PIGQ: variants seen among roughly 807,000 people sequenced by gnomAD.
The protein encoded by PIGQ is phosphatidylinositol N-acetylglucosaminyltransferase subunit Q.
A neutral mutation model predicts 60.3 loss-of-function variants in PIGQ; 54 were observed. The observed-to-expected ratio is 0.90, with a 90% CI of 0.72 to 1.12. The LOEUF (loss-of-function observed/expected upper bound fraction) is 1.12, where lower values mean the gene tolerates loss of function less well. Ranked by LOEUF, PIGQ falls within the 50% of genes most tolerant of loss-of-function variation. The pLI is 0.00. For synonymous variants in PIGQ, 416 were observed against 363.7 expected (o/e 1.14, Z -1.64); for missense variants, 799 against 793.5 (o/e 1.01, Z -0.08).
Position 574,444 on chromosome 16 carries a change from G to A in PIGQ, c.370G>A (p.Asp124Asn). 1 of 1,610,930 alleles carries A rather than the reference G, an allele frequency of 6.2e-7. No homozygotes were observed. The highest frequency in any genetic ancestry group is 2.2e-5 in the East Asian group (1 of 44,830). Residue 124 changes from aspartate to asparagine, a missense_variant, in exon 2 of 11, where the codon GAC becomes AAC. Coordinates refer to ENST00000321878, the MANE Select transcript of PIGQ (RefSeq NM_004204.5). ...APTAPGAPGEDQVMLIFYDQR... is the reference protein window; with the variant it reads ...APTAPGAPGENQVMLIFYDQR... ...CACTGCCCCCGGTGCCCCTGGTGAG[G>A]ACCAGGTCATGCTCATCTTCTATGA...
chr16:571,699 C>T (rs1441265347), intron 1 of PIGQ, among the ~76,000 whole-genome samples: 2 of 151,668 alleles, frequency 1.3e-5, no homozygotes, highest in South Asian at 2.1e-4. Context: ...TGCTATCGAT[C>T]GCTTCTCTTT....
At chr16:576,765 C>T (rs1000808224) in intron 4 of PIGQ, 9 of 388,526 alleles carry the variant, frequency 2.3e-5, no homozygotes, top group South Asian at 2.7e-4. Flanking sequence ...GTCTGTGCCC[C>T]GTTTCCAGCC....
intron 1 of PIGQ, among the ~76,000 whole-genome samples, 161 bp from the exon 2 acceptor site, chr16:573,905 C>T (rs749591133): frequency 6.6e-6 from 1 of 152,194 alleles, no homozygotes. Context: ...CGCGAGGCGG[C>T]AGCCAAGGAG....
intron 4 of PIGQ, chr16:576,658 G>C (rs947753587): frequency 1.1e-5 from 5 of 443,490 alleles, no homozygotes; most frequent in African/African-American, 1.0e-4. Flanking sequence ...GTGCAGCCCA[G>C]CTGGGACTTC....
In PIGQ at chr16:578,942, G is replaced by A. The variant is rs758972210; in HGVS notation, c.1223+4G>A. 7 of 1,609,176 alleles carry A rather than the reference G, an allele frequency of 4.4e-6. No homozygotes were observed. Among genetic ancestry groups the A allele is most frequent in the African/African-American group, 2.7e-5 (2 of 74,768 alleles). On this transcript the variant is annotated splice_donor_region_variant and intron_variant, in intron 6 of 10. Coordinates refer to ENST00000321878, the MANE Select transcript of PIGQ (RefSeq NM_004204.5). ...GCTTTTACGTCTATGGAGCCAGGTG[G>A]GCGTGGGCTTCCCCCTCCCCACCGC...
chr16:579,220 C>T (rs973189886), intron 7 of PIGQ, 40 bp downstream of exon 7: 3 of 1,525,548 alleles, frequency 2.0e-6, no homozygotes, highest in Middle Eastern at 3.4e-4. Flanking sequence ...CTGACTGCCT[C>T]CGGCCTGTGC....
chr16:575,382 G>T (rs1191688521), intron 2 of PIGQ, among the ~76,000 whole-genome samples: 1 of 152,220 alleles, frequency 6.6e-6, no homozygotes, highest in African/African-American at 2.4e-5. Context: ...GCCTGGCGGA[G>T]GTGCCCCATG....
At chr16:582,465 C>CCCTCCCCCTT in intron 10 of PIGQ, 156 bp downstream of exon 10, 1 of 610,100 alleles carries the variant, frequency 1.6e-6, no homozygotes, top group Non-Finnish European at 2.9e-6. Flanking sequence ...ACGCGGGACC[C>CCCTCCCCCTT]CCTCCCCCTT....
chr16:576,109 CG>C, intron 3 of PIGQ, 24 bp from the exon 4 acceptor site: 1 of 1,545,588 alleles, frequency 6.5e-7, no homozygotes, highest in Non-Finnish European at 8.7e-7. Context: ...ACCCTCATGC[CG>C]GCCGGGCCGG....
At position 574,268 on chromosome 16, in the gene PIGQ, C is replaced by T. The variant is rs780499636; in HGVS notation, c.194C>T (p.Thr65Ile). The T allele has an allele frequency of 1.9e-6, 3 of 1,607,746 alleles. No homozygotes were observed. The highest frequency in any genetic ancestry group is 4.5e-5 in the East Asian group (2 of 44,846). ...ASQVGVAVLGTWCHCRQEPEE... is the reference protein window; with the variant it reads ...ASQVGVAVLGIWCHCRQEPEE... Reference sequence around the variant, plus strand: ...CAGGTGGGCGTGGCCGTGCTGGGCACCTGGTGCCACTGCCGGCAGGAGCCC... The same window carrying T: ...CAGGTGGGCGTGGCCGTGCTGGGCATCTGGTGCCACTGCCGGCAGGAGCCC... Residue 65 changes from threonine to isoleucine, a missense_variant, in exon 2 of 11, where the codon ACC (threonine) becomes ATC (isoleucine). By Grantham distance (89) the Thr-to-Ile change is moderately conservative. Transcript: ENST00000321878.
In PIGQ at chr16:583,683, G is replaced by A; in HGVS notation, c.*648G>A. 6 of 1,601,608 alleles carry A rather than the reference G, an allele frequency of 3.7e-6. No homozygotes were observed. The highest frequency in any genetic ancestry group is 5.1e-6 in the Non-Finnish European group (6 of 1,173,104). On this transcript the variant is annotated 3_prime_UTR_variant, in exon 11 of 11. Transcript: ENST00000321878. ...CATCGCCAGGCTGCTGTGGGGGCGG[G>A]AGCAGCCTCAGTGTCAAGGGCCCGC... is the stretch of plus-strand genomic sequence containing the variant.
At chr16:581,173 G>A in intron 9 of PIGQ, 1 of 1,446,072 alleles carries the variant, frequency 6.9e-7, no homozygotes, top group Non-Finnish European at 9.2e-7. Context: ...GGTGGAGAGA[G>A]ACTCAGAGAC....
intron 8 of PIGQ, 197 bp from the exon 9 acceptor site, chr16:580,661 G>A: frequency 1.7e-6 from 1 of 603,330 alleles, no homozygotes; most frequent in African/African-American, 1.8e-5. Flanking sequence ...TGGTGAGAGG[G>A]CCGGGTGCTC....
chr16:571,126 C>T (rs180706208), intron 1 of PIGQ, among the ~76,000 whole-genome samples: 41 of 308 alleles, frequency 0.13, 3 homozygotes, highest in African/African-American at 0.22. Context: ...GCCTGGTGCC[C>T]GTGTGTGTGT....
rs561660953 is a variant in PIGQ, at chr16:583,661, C to T, written c.*626C>T. On this transcript the variant is annotated 3_prime_UTR_variant, in exon 11 of 11. Transcript: ENST00000321878. ...GAAACCATCAGCAGGCTGTGAGCAT[C>T]GCCAGGCTGCTGTGGGGGCGGGAGC... 8.7e-6 allele frequency: 14 copies of T among 1,610,730 alleles called. No individual in the cohort carries two copies. Among genetic ancestry groups the T allele is most frequent in the Middle Eastern group, 3.3e-4 (2 of 6,054 alleles).
chr16:578,876 CCT>C lies in PIGQ; in HGVS notation c.1165_1166del (p.Ser389GlyfsTer53). On this transcript the variant is annotated frameshift_variant, in exon 6 of 11. Transcript: ENST00000321878. LOFTEE classifies it high-confidence loss of function. ...TGGGCCTGACGGTGGCCCTGTCCCT[CCT>C]CTCGGACATTATCGCCCTCCTCACC... ...CLGLTVALSLLSDIIALLTFH... is the reference protein window; with the variant it reads ...CLGLTVALSLXSDIIALLTFH... 6.2e-7 allele frequency: 1 copy of C among 1,613,852 alleles called. No homozygotes were observed. The highest frequency in any genetic ancestry group is 8.5e-7 in the Non-Finnish European group (1 of 1,179,966).
intron 6 of PIGQ, 48 bp from the exon 7 acceptor site, chr16:579,021 C>CG (rs2035769761): frequency 1.4e-5 from 3 of 218,358 alleles, no homozygotes; most frequent in Admixed American, 1.1e-4. Flanking sequence ...GGGGCGGGGG[C>CG]GGGGCGGGGC....
At position 580,366 on chromosome 16, in the gene PIGQ, G is replaced by A. The variant is rs1030490918; in HGVS notation, c.1416+103G>A. ...GCTGTGGGGCGGGCTGTCTCCTGCT[G>A]CAGGCCACGTGGGTGGCCTTTCAGG... On this transcript the variant is annotated intron_variant, in intron 8 of 10. Coordinates refer to ENST00000321878, the MANE Select transcript of PIGQ (RefSeq NM_004204.5). 31 of 915,128 alleles carry A rather than the reference G, an allele frequency of 3.4e-5. 1 individual carries two copies. The African/African-American group carries it at 4.8e-4, about 14-fold the overall frequency. The allele number at this position is 915,128 out of a possible 1,614,324, so 56.7% of individuals were successfully genotyped here.
rs772483082 is a variant in PIGQ, at chr16:574,774, C to T, written c.689+11C>T. 1.0e-5 allele frequency: 16 copies of T among 1,539,806 alleles called. 1 individual carries two copies. The highest frequency in any genetic ancestry group is 4.0e-4 in the Middle Eastern group (2 of 5,052). ...TGTCAGTGCCTGCCGGTAGGTGTCC[C>T]GGGACAGGCAGGTGGCAAAGAGTGG... On this transcript the variant is annotated intron_variant, in intron 2 of 10. Coordinates refer to ENST00000321878, the MANE Select transcript of PIGQ (RefSeq NM_004204.5).
Sources: gnomAD v4.1 joint callset for allele counts (sites outside exome capture counted in the v4.1 genomes callset) on GRCh38, gnomAD v4.1.1 for gene constraint, MANE v1.5 for transcripts, NCBI Gene and HGNC (gene_info 2026-07-23, HGNC 2026-07-21) for gene names.